Variants in VAV2 observed in about 807,000 individuals in gnomAD.
VAV2 encodes the protein vav guanine nucleotide exchange factor 2, also known as guanine nucleotide exchange factor VAV2.
In VAV2, 67 loss-of-function variants were observed where a neutral mutation model predicts 132.5. The observed-to-expected ratio is 0.51, with a 90% CI of 0.42 to 0.62. The LOEUF is 0.62. Among genes scored for constraint, VAV2 ranks in the 20% least tolerant of loss-of-function variants. The pLI is 0.00. For synonymous variants in VAV2, 492 were observed against 443.5 expected (o/e 1.11, Z -1.37); for missense variants, 938 against 1,153.6 (o/e 0.81, Z 2.71).
chr9:133,771,062 C>CTTTTTTTTT (rs148597917), intron 26 of VAV2, among the ~76,000 whole-genome samples: 1 of 117,704 alleles, frequency 8.5e-6, no homozygotes, highest in African/African-American at 3.3e-5. Context: ...TATGGATTTT[C>CTTTTTTTTT]TTTTTTTTTT....
At chr9:133,913,591 C>T (rs958518760) in intron 2 of VAV2, among the ~76,000 whole-genome samples, 15 of 152,198 alleles carry the variant, frequency 9.9e-5, no homozygotes, top group African/African-American at 3.1e-4. Context: ...TCCCAGGAGG[C>T]GGGGGACCGG....
At chr9:133,819,581 C>T (rs1051625905) in intron 4 of VAV2, among the ~76,000 whole-genome samples, 5 of 152,158 alleles carry the variant, frequency 3.3e-5, no homozygotes, top group African/African-American at 1.2e-4. Flanking sequence ...GTCAGTTATC[C>T]GAGCCTGTTG....
intron 2 of VAV2, among the ~76,000 whole-genome samples, chr9:133,872,467 C>T (rs1838095100): frequency 6.6e-6 from 1 of 150,858 alleles, no homozygotes; most frequent in African/African-American, 2.5e-5. Flanking sequence ...CTACACTGGC[C>T]CAGCTGCCCC....
rs575020344 is a variant in VAV2 at position 133,834,722 on chromosome 9, C to T, written c.381-382G>A. 6.6e-6 allele frequency among the ~76,000 whole-genome samples: 1 copy of T among 152,314 alleles called. No individual in the cohort carries two copies. The highest frequency in any genetic ancestry group is 2.1e-4 in the South Asian group (1 of 4,830). ...GGTTCACAGTGGAGATGAGGCTCCT[C>T]GCACACCTCCTGGTGGGCAGGTGGG... is the stretch of plus-strand genomic sequence containing the variant. On this transcript the variant is annotated intron_variant, in intron 3 of 29. Coordinates refer to ENST00000371850, the MANE Select transcript of VAV2 (RefSeq NM_001134398.2). The surrounding 1 kb of genome is among the most constrained non-coding windows in gnomAD (Gnocchi z 5.9).
At chr9:133,810,230 A>C (rs1416163416) in intron 5 of VAV2, 25 bp from the exon 6 acceptor site, 2 of 1,613,132 alleles carry the variant, frequency 1.2e-6, no homozygotes, top group African/African-American at 1.3e-5. Context: ...AAAGAACCAG[A>C]AACAGCGCCG....
chr9:133,935,673 G>A lies in VAV2; in HGVS notation c.321+3430C>T, dbSNP rs532575501. Among the ~76,000 whole-genome samples the A allele has an allele frequency of 2.4e-4, 37 of 152,320 alleles. 1 individual carries two copies. In the South Asian group the frequency reaches 7.7e-3, roughly 32 times the overall value. ...CGTCAGGCTCCAGACCGTGGTGAAC[G>A]TCCCAGCTCCCCAGCCTCCGCTGGC... On this transcript the variant is annotated intron_variant, in intron 2 of 29. Coordinates refer to ENST00000371850, the MANE Select transcript of VAV2 (RefSeq NM_001134398.2). The surrounding 1 kb of genome is among the most constrained non-coding windows in gnomAD (Gnocchi z 5.2).
At chr9:133,930,712 T>C (rs1391985640) in intron 2 of VAV2, among the ~76,000 whole-genome samples, 4 of 152,084 alleles carry the variant, frequency 2.6e-5, no homozygotes, top group Non-Finnish European at 5.9e-5. Flanking sequence ...CCCTGCAGGG[T>C]GCAGGTGCTC....
chr9:133,772,365 C>T lies in VAV2; in HGVS notation c.2136-319G>A, dbSNP rs575214833. ...CTCATTTGCTTTTCAGTACCAGGAG[C>T]CTCTCCTCCTCCCTGTGGAGCAGCC... On this transcript the variant is annotated intron_variant, in intron 25 of 29. Coordinates refer to ENST00000371850, the MANE Select transcript of VAV2 (RefSeq NM_001134398.2). Among the ~76,000 whole-genome samples, 6 of 152,262 alleles carry T rather than the reference C, an allele frequency of 3.9e-5. No individual in the cohort carries two copies. In the South Asian group the frequency reaches 6.2e-4, roughly 16 times the overall value.
intron 1 of VAV2, among the ~76,000 whole-genome samples, chr9:133,954,777 T>TGTGA (rs10673098): frequency 0.31 from 46,788 of 151,888 alleles, 7,697 homozygotes; most frequent in East Asian, 0.43. Context: ...TGTGTGCACA[T>TGTGA]GTATGTGTGC....
intron 2 of VAV2, among the ~76,000 whole-genome samples, chr9:133,904,425 T>G (rs950363730): frequency 1.1e-4 from 16 of 152,328 alleles, no homozygotes; most frequent in African/African-American, 3.4e-4. Context: ...CAGGGTCCCG[T>G]GAAATTCAAA....
At chr9:133,967,764 TC>T (rs34676603) in intron 1 of VAV2, among the ~76,000 whole-genome samples, 129,134 of 151,472 alleles carry the variant, frequency 0.85, 55,180 homozygotes, top group East Asian at 0.99. Context: ...AAACCCCATC[TC>T]CTACTAAAAA....
At chr9:133,911,925 T>C (rs1211352457) in intron 2 of VAV2, among the ~76,000 whole-genome samples, 2 of 151,714 alleles carry the variant, frequency 1.3e-5, no homozygotes, top group Non-Finnish European at 2.9e-5. Flanking sequence ...TCAGATTTTC[T>C]TTTTTTTTAT....
chr9:133,884,975 T>C lies in VAV2; in HGVS notation c.322-23543A>G, dbSNP rs1838644554. 6.6e-6 allele frequency among the ~76,000 whole-genome samples: 1 copy of C among 152,124 alleles called. No individual in the cohort carries two copies. Among genetic ancestry groups the C allele is most frequent in the Admixed American group, 6.5e-5 (1 of 15,280 alleles). ...GCCAGCCACAGTGACAGGTGGAGCCTAGATCATTCCAAAGACTCCAAAGAT... is the reference window on the plus strand; with the variant it reads ...GCCAGCCACAGTGACAGGTGGAGCCCAGATCATTCCAAAGACTCCAAAGAT... On this transcript the variant is annotated intron_variant, in intron 2 of 29. Coordinates refer to ENST00000371850, the MANE Select transcript of VAV2 (RefSeq NM_001134398.2). The surrounding 1 kb of genome is among the most constrained non-coding windows in gnomAD (Gnocchi z 5.3).
intron 5 of VAV2, 94 bp downstream of exon 5, chr9:133,812,020 G>T: frequency 3.0e-6 from 4 of 1,326,488 alleles, no homozygotes; most frequent in Non-Finnish European, 4.3e-6. Context: ...CGGTGGCTCA[G>T]ACATGGGGAC....
At chr9:133,947,545 C>T (rs1294191632) in intron 1 of VAV2, among the ~76,000 whole-genome samples, 3 of 151,872 alleles carry the variant, frequency 2.0e-5, no homozygotes, top group Non-Finnish European at 4.4e-5. Flanking sequence ...ACTAAAAATA[C>T]AAAATTAGCC....
intron 2 of VAV2, among the ~76,000 whole-genome samples, chr9:133,871,388 G>A (rs1167723691): frequency 6.6e-6 from 1 of 150,472 alleles, no homozygotes; most frequent in African/African-American, 2.5e-5. Context: ...ATGGATGGAT[G>A]AATAGATGGA....
intron 2 of VAV2, among the ~76,000 whole-genome samples, chr9:133,893,387 C>T (rs918895259): frequency 5.3e-5 from 8 of 152,208 alleles, no homozygotes; most frequent in Non-Finnish European, 1.0e-4. Context: ...AGCTGGTCCT[C>T]GGTCCCACAG....
At chr9:133,831,582 T>C (rs570043120) in intron 4 of VAV2, among the ~76,000 whole-genome samples, 16 of 152,228 alleles carry the variant, frequency 1.1e-4, no homozygotes, top group Admixed American at 5.2e-4. Flanking sequence ...TCAGGAAGTG[T>C]CCTGGGCTGA....
At chr9:133,922,136 G>T (rs3780763) in intron 2 of VAV2, among the ~76,000 whole-genome samples, 19,307 of 152,238 alleles carry the variant, frequency 0.13, 1,756 homozygotes, top group African/African-American at 0.25. Context: ...GGTGGCAGCG[G>T]GAAGCTTCTC....
Sources: allele counts gnomAD v4.1 joint callset (sites outside exome capture counted in the v4.1 genomes callset), GRCh38; gene constraint gnomAD v4.1.1; non-coding constraint Gnocchi (gnomAD v3.1); transcripts MANE v1.5; gene names NCBI Gene and HGNC (gene_info 2026-07-23, HGNC 2026-07-21).